Variants in ALG5 observed in about 807,000 individuals in gnomAD.
ALG5 encodes the protein dolichyl-phosphate beta-glucosyltransferase.
In ALG5, 26 loss-of-function variants were observed where a neutral mutation model predicts 51.8. That is an observed-to-expected ratio of 0.50 (90% CI 0.37 to 0.70). The LOEUF is 0.70. Ranked by LOEUF, ALG5 falls within the 30% of genes least tolerant of loss-of-function variation. The pLI is 0.00. For synonymous variants in ALG5, 141 were observed against 136.1 expected (o/e 1.04, Z -0.25); for missense variants, 311 against 399.3 (o/e 0.78, Z 1.88).
intron 6 of ALG5, among the ~76,000 whole-genome samples, chr13:36,973,620 A>C (rs2058936499): frequency 6.6e-6 from 1 of 152,252 alleles, no homozygotes. Context: ...TGATAAAATA[A>C]CAAAAAATCC....
Position 36,988,992 on chromosome 13 carries a change from T to C in ALG5, c.447+492A>G, listed in dbSNP as rs147722429. Among the ~76,000 whole-genome samples, 13 of 152,360 alleles carry C rather than the reference T, an allele frequency of 8.5e-5. No individual in the cohort carries two copies. In the East Asian group the frequency reaches 2.1e-3, roughly 25 times the overall value. ...GCCTCAGCTGACAGTAACCTCTTTT[T>C]TGAAATTTCTTAGCACTTTATCTGC... On this transcript the variant is annotated intron_variant, in intron 5 of 9. Coordinates refer to ENST00000239891, the MANE Select transcript of ALG5 (RefSeq NM_013338.5).
At chr13:36,965,305 A>AAAGGAAAAAAAAAGGAAGTCT (rs139879453) in intron 8 of ALG5, among the ~76,000 whole-genome samples, 3 of 151,552 alleles carry the variant, frequency 2.0e-5, no homozygotes, top group Non-Finnish European at 2.9e-5. Context: ...TTTTTTCTTC[A>AAAGGAAAAAAAAAGGAAGTCT]AAGGAAAAAA....
chr13:36,977,128 G>A (rs950960841), intron 6 of ALG5, among the ~76,000 whole-genome samples: 1 of 152,208 alleles, frequency 6.6e-6, no homozygotes, highest in Non-Finnish European at 1.5e-5. Flanking sequence ...GAATTCTGAT[G>A]TAAGAGCTGA....
At chr13:36,953,402 G>A (rs1421270726) in intron 8 of ALG5, among the ~76,000 whole-genome samples, 2 of 152,164 alleles carry the variant, frequency 1.3e-5, no homozygotes, top group Non-Finnish European at 2.9e-5. Context: ...TGACTCATAA[G>A]TTTTCCTGGA....
intron 7 of ALG5, chr13:36,967,808 CT>C: frequency 8.1e-7 from 1 of 1,236,102 alleles, no homozygotes; most frequent in Non-Finnish European, 1.1e-6. Flanking sequence ...AGCACTTATG[CT>C]TAGGAAAGGA....
chr13:36,998,191 G>A (rs981062669), intron 1 of ALG5, among the ~76,000 whole-genome samples: 4 of 151,926 alleles, frequency 2.6e-5, no homozygotes, highest in South Asian at 2.1e-4. Context: ...CTCCCCGCCC[G>A]CACCCCGCCA....
At chr13:36,973,721 A>C (rs912229138) in intron 6 of ALG5, among the ~76,000 whole-genome samples, 2 of 152,246 alleles carry the variant, frequency 1.3e-5, no homozygotes, top group Admixed American at 6.5e-5. Flanking sequence ...AAAAGCATAA[A>C]GTGCATTTAC....
intron 7 of ALG5, among the ~76,000 whole-genome samples, chr13:36,967,486 G>T (rs528432626): frequency 1.3e-5 from 2 of 152,260 alleles, no homozygotes; most frequent in South Asian, 4.1e-4. Flanking sequence ...CATACAGGAA[G>T]AAAGCTTGAA....
intron 8 of ALG5, among the ~76,000 whole-genome samples, chr13:36,959,719 T>C (rs765870557): frequency 2.0e-5 from 3 of 152,088 alleles, no homozygotes; most frequent in Non-Finnish European, 4.4e-5. Flanking sequence ...ATGACTATAA[T>C]CCTTTCTCTA....
intron 7 of ALG5, among the ~76,000 whole-genome samples, chr13:36,966,470 T>G (rs570107706): frequency 6.6e-6 from 1 of 152,292 alleles, no homozygotes; most frequent in African/African-American, 2.4e-5. Context: ...ACTTTCACAT[T>G]TAAGATTTAG....
chr13:36,969,214 C>T lies in ALG5; in HGVS notation c.621+2763G>A, dbSNP rs551915685. On this transcript the variant is annotated intron_variant, in intron 7 of 9. Transcript: ENST00000239891. ...CTAGGAAAAATTCAGAGTTTTCAAC[C>T]AATGCAAGTTCTAAGTGAAAAGAAT... 7.2e-5 allele frequency among the ~76,000 whole-genome samples: 11 copies of T among 152,060 alleles called. No individual in the cohort carries two copies. In the South Asian group the frequency reaches 2.3e-3, roughly 32 times the overall value.
chr13:36,965,191 TAG>T (rs902954630), intron 8 of ALG5, among the ~76,000 whole-genome samples: 1 of 152,014 alleles, frequency 6.6e-6, no homozygotes, highest in Admixed American at 6.5e-5. Flanking sequence ...GAAGGAGATG[TAG>T]AGGTCAAAAG....
Position 36,993,209 on chromosome 13 carries a change from G to T in ALG5, c.354+395C>A, listed in dbSNP as rs369415658. 4.6e-5 allele frequency among the ~76,000 whole-genome samples: 7 copies of T among 152,350 alleles called. No homozygotes were observed. In the South Asian group the frequency reaches 1.4e-3, roughly 32 times the overall value. ...GATCCTGCCAATGCTCTCTGTGCAT[G>T]TGAAAGGACACACCTGCTTCCCAGG... On this transcript the variant is annotated intron_variant, in intron 4 of 9. Transcript: ENST00000239891.
chr13:36,976,879 A>T (rs1282398581), intron 6 of ALG5, among the ~76,000 whole-genome samples: 1 of 152,248 alleles, frequency 6.6e-6, no homozygotes, highest in Non-Finnish European at 1.5e-5. Flanking sequence ...GAAGCATGTT[A>T]AAAGTTCAAA....
intron 7 of ALG5, among the ~76,000 whole-genome samples, chr13:36,969,114 G>A (rs2058909025): frequency 6.6e-6 from 1 of 152,280 alleles, no homozygotes; most frequent in Middle Eastern, 3.4e-3. Flanking sequence ...TTGATCCCTT[G>A]ATACCTGGCT....
intron 1 of ALG5, 29 bp from the exon 2 acceptor site, chr13:36,995,625 A>T (rs780765589): frequency 2.9e-5 from 46 of 1,579,096 alleles, no homozygotes; most frequent in Non-Finnish European, 3.6e-5. Flanking sequence ...GTCTTTTACA[A>T]AACAGAAATT....
rs181670927 is a variant in ALG5, at chr13:36,973,985, G to C, written c.562-1949C>G. ...ACCCAGCAATTCCAACAATTCTTCC[G>C]ACAAATATACTTGCATATGTGTAAA... On this transcript the variant is annotated intron_variant, in intron 6 of 9. Transcript: ENST00000239891. Among the ~76,000 whole-genome samples the C allele has an allele frequency of 3.1e-3, 467 of 152,220 alleles. 1 individual carries two copies. Among genetic ancestry groups the C allele is most frequent in the African/African-American group, 0.01 (428 of 41,542 alleles).
At chr13:36,956,071 A>G (rs1315586198) in intron 8 of ALG5, among the ~76,000 whole-genome samples, 4 of 152,176 alleles carry the variant, frequency 2.6e-5, no homozygotes, top group African/African-American at 4.8e-5. Context: ...CAGACAACCT[A>G]TGGATTGGGA....
chr13:36,993,142 C>T (rs1216921649), intron 4 of ALG5, among the ~76,000 whole-genome samples: 6 of 152,200 alleles, frequency 3.9e-5, no homozygotes, highest in African/African-American at 1.4e-4. Flanking sequence ...ATAACTTTCA[C>T]ATCATACTAT....
Sources: allele counts gnomAD v4.1 joint callset (sites outside exome capture counted in the v4.1 genomes callset), GRCh38; gene constraint gnomAD v4.1.1; transcripts MANE v1.5; gene names NCBI Gene and HGNC (gene_info 2026-07-23, HGNC 2026-07-21).